Variants in DOCK4 observed in about 807,000 individuals in gnomAD.
DOCK4 encodes dedicator of cytokinesis 4, also known as dedicator of cytokinesis protein 4.
Under a neutral mutation model 268.1 loss-of-function variants are expected in DOCK4, and 97 were observed. The observed-to-expected ratio is 0.36, with a 90% CI of 0.31 to 0.43. The LOEUF (loss-of-function observed/expected upper bound fraction) is 0.43. Among genes scored for constraint, DOCK4 ranks in the 20% least tolerant of loss-of-function variants. The pLI, the probability that DOCK4 is intolerant of heterozygous loss-of-function variation, is 1.00. For synonymous variants in DOCK4, 954 were observed against 887.2 expected (o/e 1.08, Z -1.34); for missense variants, 2,145 against 2,455.7 (o/e 0.87, Z 2.67).
intron 27 of DOCK4, among the ~76,000 whole-genome samples, chr7:111,818,847 T>C (rs1490609536): frequency 6.6e-6 from 1 of 152,194 alleles, no homozygotes; most frequent in Non-Finnish European, 1.5e-5. Context: ...TTGCTGTTTG[T>C]TACCCCCTGC....
At position 111,976,997 on chromosome 7, in the gene DOCK4, C is replaced by CA. The variant is rs1367458112; in HGVS notation, c.701+134dup. The CA allele has an allele frequency of 2.9e-5, 30 of 1,030,586 alleles. No homozygotes were observed. The African/African-American group carries it at 4.4e-4, about 15-fold the overall frequency. 63.8% of individuals were successfully genotyped at this position (1,030,586 alleles called of 1,614,324 possible). A position where few individuals can be genotyped will look rare whatever the true frequency, so the allele number is the denominator to read the frequency against. On this transcript the variant is annotated intron_variant, in intron 8 of 52. Coordinates refer to ENST00000428084, the MANE Select transcript of DOCK4 (RefSeq NM_001363540.2). ...CCAAAGAACAGGCAGCTTAGAAACT[C>CA]AGAGTTCTACTGGTGAGAAAATTGA...
At chr7:111,991,869 G>C (rs1363364637) in intron 5 of DOCK4, among the ~76,000 whole-genome samples, 1 of 149,800 alleles carries the variant, frequency 6.7e-6, no homozygotes, top group African/African-American at 2.5e-5. Flanking sequence ...GCTGAGGCAG[G>C]AGAATGGCGT....
intron 39 of DOCK4, among the ~76,000 whole-genome samples, chr7:111,762,762 C>CTTTTTTTTGTTTTTTT (rs1797508221): frequency 1.6e-5 from 1 of 63,068 alleles, no homozygotes; most frequent in Non-Finnish European, 3.0e-5. Flanking sequence ...GTTTTGTTTT[C>CTTTTTTTTGTTTTTTT]TTTTTTTTTT....
At chr7:111,817,738 A>G (rs57797494) in intron 27 of DOCK4, among the ~76,000 whole-genome samples, 11,174 of 152,132 alleles carry the variant, frequency 0.073, 1,409 homozygotes, top group African/African-American at 0.26. Flanking sequence ...GGCCATGCCT[A>G]TTAGTAAATC....
In DOCK4 at chr7:112,094,885, C is replaced by T. The variant is rs570446700; in HGVS notation, c.38-90754G>A. On this transcript the variant is annotated intron_variant, in intron 1 of 52. Coordinates refer to ENST00000428084, the MANE Select transcript of DOCK4 (RefSeq NM_001363540.2). ...CTGCTTTCACCATGCGATGTGCTTG[C>T]TCCTCCATTCGTCTTTTGCCATGAT... Among the ~76,000 whole-genome samples the T allele has an allele frequency of 3.9e-5, 6 of 152,296 alleles. No homozygotes were observed. In the South Asian group the frequency reaches 1.2e-3, roughly 32 times the overall value.
At chr7:111,937,718 T>C (rs965136014) in intron 11 of DOCK4, among the ~76,000 whole-genome samples, 1 of 152,236 alleles carries the variant, frequency 6.6e-6, no homozygotes, top group Non-Finnish European at 1.5e-5. Context: ...TACTAGACTA[T>C]GGTGTGAAAT....
chr7:111,826,529 C>T (rs1181765224), intron 26 of DOCK4, among the ~76,000 whole-genome samples: 1 of 152,112 alleles, frequency 6.6e-6, no homozygotes, highest in African/African-American at 2.4e-5. Context: ...GGTACATTTA[C>T]ACCATGGAAT....
chr7:112,081,401 T>C (rs1484516149), intron 1 of DOCK4, among the ~76,000 whole-genome samples: 2 of 152,196 alleles, frequency 1.3e-5, no homozygotes, highest in Admixed American at 1.3e-4. Context: ...CAAATCAGGG[T>C]GGCTTTCATC....
At chr7:112,000,308 T>C (rs1006981265) in intron 3 of DOCK4, among the ~76,000 whole-genome samples, 186 bp downstream of exon 3, 1 of 152,180 alleles carries the variant, frequency 6.6e-6, no homozygotes, top group Non-Finnish European at 1.5e-5. Flanking sequence ...AATAGGATTA[T>C]CATTTGAGTA....
At chr7:112,109,814 G>T (rs1259479604) in intron 1 of DOCK4, among the ~76,000 whole-genome samples, 5 of 148,700 alleles carry the variant, frequency 3.4e-5, no homozygotes, top group African/African-American at 1.3e-4. Flanking sequence ...GCGGGATCTC[G>T]GCTCACTGCA....
intron 41 of DOCK4, among the ~76,000 whole-genome samples, chr7:111,758,243 C>T (rs907834741): frequency 4.6e-5 from 7 of 152,150 alleles, no homozygotes; most frequent in Non-Finnish European, 1.0e-4. Flanking sequence ...TTGAACTTTA[C>T]GTGAAAATAA....
intron 1 of DOCK4, among the ~76,000 whole-genome samples, chr7:112,080,536 G>T (rs182960431): frequency 5.3e-5 from 8 of 152,204 alleles, no homozygotes; most frequent in African/African-American, 2.4e-5. Context: ...TTCCTGACAC[G>T]TCATTTAGTC....
chr7:112,054,807 A>G (rs1805673491), intron 1 of DOCK4, among the ~76,000 whole-genome samples: 1 of 152,230 alleles, frequency 6.6e-6, no homozygotes, highest in South Asian at 2.1e-4. Context: ...CGGTATTTTC[A>G]AAGCCCTTTG....
At chr7:111,903,306 C>T (rs577598325) in intron 13 of DOCK4, among the ~76,000 whole-genome samples, 54 of 152,236 alleles carry the variant, frequency 3.5e-4, no homozygotes, top group South Asian at 8.3e-4. Context: ...AGAATTACAT[C>T]TTAGTCACCC....
intron 9 of DOCK4, among the ~76,000 whole-genome samples, chr7:111,945,395 A>T (rs1401295776): frequency 6.6e-6 from 1 of 152,192 alleles, no homozygotes; most frequent in Non-Finnish European, 1.5e-5. Context: ...CATGTTGGCC[A>T]GGCTGGTCTT....
chr7:112,165,859 C>G (rs112004326), intron 1 of DOCK4, among the ~76,000 whole-genome samples: 1 of 152,106 alleles, frequency 6.6e-6, no homozygotes, highest in Non-Finnish European at 1.5e-5. Flanking sequence ...GCTTAAACAT[C>G]CTCGTCACGT....
intron 1 of DOCK4, among the ~76,000 whole-genome samples, chr7:112,200,395 G>A (rs2116870833): frequency 6.6e-6 from 1 of 152,236 alleles, no homozygotes; most frequent in South Asian, 2.1e-4. Flanking sequence ...TAAACTCTAT[G>A]AAACTGTTTT....
chr7:111,936,190 T>C (rs1384477403), intron 11 of DOCK4, among the ~76,000 whole-genome samples: 1 of 152,134 alleles, frequency 6.6e-6, no homozygotes, highest in Non-Finnish European at 1.5e-5. Context: ...TTAAGCAAAA[T>C]GAAATTGACA....
At chr7:111,734,467 A>G (rs1288036810) in intron 51 of DOCK4, among the ~76,000 whole-genome samples, 1 of 152,226 alleles carries the variant, frequency 6.6e-6, no homozygotes, top group African/African-American at 2.4e-5. Flanking sequence ...TATTACAGGC[A>G]TAAGCCAAAA....
Sources: allele counts gnomAD v4.1 joint callset (sites outside exome capture counted in the v4.1 genomes callset), GRCh38; gene constraint gnomAD v4.1.1; transcripts MANE v1.5; gene names NCBI Gene and HGNC (gene_info 2026-07-23, HGNC 2026-07-21).